The following NR3C2 variants were observed in gnomAD, a reference collection of about 807,000 sequenced individuals.
NR3C2 encodes the protein nuclear receptor subfamily 3 group C member 2.
In NR3C2, 15 loss-of-function variants were observed where a neutral mutation model predicts 86.4. That is an observed-to-expected ratio of 0.17 (90% CI 0.12 to 0.27). The LOEUF is 0.27. NR3C2 is among the 10% of genes least tolerant of loss of function. NR3C2 has a pLI of 1.00. For missense variants in NR3C2, 960 were observed against 1,195.6 expected, an observed-to-expected ratio of 0.80 and a Z score of 2.91; for synonymous variants, 458 against 450.5, an observed-to-expected ratio of 1.02 and a Z score of -0.21.
intron 2 of NR3C2, among the ~76,000 whole-genome samples, chr4:148,339,446 C>T (rs1046963932): frequency 6.6e-6 from 1 of 152,106 alleles, no homozygotes. Flanking sequence ...GAATTAAGTA[C>T]AGAAATGTCT....
At chr4:148,440,416 A>AT (rs1750278115) in intron 1 of NR3C2, among the ~76,000 whole-genome samples, 1 of 152,260 alleles carries the variant, frequency 6.6e-6, no homozygotes, top group East Asian at 1.9e-4. Flanking sequence ...CTAGTCGATG[A>AT]ATATGATCCT....
intron 8 of NR3C2, among the ~76,000 whole-genome samples, chr4:148,093,814 A>G (rs1164318313): frequency 6.6e-6 from 1 of 152,236 alleles, no homozygotes; most frequent in African/African-American, 2.4e-5. Context: ...GGCACCAAAA[A>G]CATAGGCAAT....
At chr4:148,155,216 A>G (rs1734308361) in intron 4 of NR3C2, among the ~76,000 whole-genome samples, 1 of 152,202 alleles carries the variant, frequency 6.6e-6, no homozygotes, top group Admixed American at 6.5e-5. Flanking sequence ...GTCCTCAACA[A>G]GTGTTCAGCC....
chr4:148,214,092 C>T (rs545998705), intron 3 of NR3C2, among the ~76,000 whole-genome samples: 1 of 152,340 alleles, frequency 6.6e-6, no homozygotes, highest in South Asian at 2.1e-4. Context: ...CATCTGCTCA[C>T]TAGCTATGAC....
intron 2 of NR3C2, among the ~76,000 whole-genome samples, chr4:148,284,231 T>TC (rs1741400755): frequency 6.6e-6 from 1 of 151,788 alleles, no homozygotes; most frequent in Non-Finnish European, 1.5e-5. Flanking sequence ...TATGGAATGC[T>TC]CCCCCCTCTT....
chr4:148,215,160 G>T (rs61758913), intron 3 of NR3C2, among the ~76,000 whole-genome samples: 285 of 152,306 alleles, frequency 1.9e-3, no homozygotes, highest in Middle Eastern at 6.8e-3. Context: ...TCTGTTCGGG[G>T]TATGAAAAGG....
At chr4:148,363,117 T>C (rs1745924033) in intron 2 of NR3C2, among the ~76,000 whole-genome samples, 1 of 152,090 alleles carries the variant, frequency 6.6e-6, no homozygotes, top group East Asian at 1.9e-4. Context: ...CCACCACACC[T>C]CAGAGTTCCT....
chr4:148,143,947 CAAA>C (rs67177081), intron 6 of NR3C2, among the ~76,000 whole-genome samples: 4 of 64,434 alleles, frequency 6.2e-5, no homozygotes, highest in South Asian at 9.4e-4. Context: ...AACTCTGTCT[CAAA>C]AAAAAAAAAA....
intron 8 of NR3C2, among the ~76,000 whole-genome samples, chr4:148,090,737 C>T (rs1430918700): frequency 4.6e-5 from 7 of 152,144 alleles, no homozygotes; most frequent in Non-Finnish European, 7.4e-5. Flanking sequence ...GACAGGTGTC[C>T]CAGACACTAC....
At chr4:148,441,432 C>T (rs1177339752) in intron 1 of NR3C2, among the ~76,000 whole-genome samples, 1 of 152,148 alleles carries the variant, frequency 6.6e-6, no homozygotes, top group African/African-American at 2.4e-5. Flanking sequence ...TAAAATTCGG[C>T]GGTTTCAAAA....
intron 2 of NR3C2, among the ~76,000 whole-genome samples, chr4:148,380,018 T>C (rs1400176767): frequency 1.3e-5 from 2 of 152,228 alleles, no homozygotes; most frequent in East Asian, 1.9e-4. Flanking sequence ...TTAAAAAATG[T>C]AATTAGGGTA....
intron 8 of NR3C2, among the ~76,000 whole-genome samples, chr4:148,090,401 A>G (rs1731007860): frequency 6.6e-6 from 1 of 152,226 alleles, no homozygotes; most frequent in Admixed American, 6.5e-5. Context: ...GAGGCCTGCC[A>G]GCCTACCGAC....
chr4:148,202,583 T>C (rs1736780138), intron 3 of NR3C2, among the ~76,000 whole-genome samples: 1 of 152,256 alleles, frequency 6.6e-6, no homozygotes, highest in Admixed American at 6.5e-5. Context: ...GTTGATGTTT[T>C]ATCTTCCACC....
intron 2 of NR3C2, among the ~76,000 whole-genome samples, chr4:148,269,986 G>C (rs1051690924): frequency 1.3e-5 from 2 of 151,938 alleles, no homozygotes; most frequent in Non-Finnish European, 2.9e-5. Flanking sequence ...CTTAGATGCT[G>C]ATACAGATGG....
intron 2 of NR3C2, among the ~76,000 whole-genome samples, chr4:148,363,161 C>T (rs560057156): frequency 6.6e-6 from 1 of 152,216 alleles, no homozygotes; most frequent in African/African-American, 2.4e-5. Flanking sequence ...TGACAGATGC[C>T]GAAGCCCTGA....
intron 3 of NR3C2, among the ~76,000 whole-genome samples, chr4:148,214,792 A>G (rs1737445115): frequency 6.6e-6 from 1 of 152,248 alleles, no homozygotes; most frequent in South Asian, 2.1e-4. Flanking sequence ...TCACTACTTC[A>G]GGAGAGGCTG....
chr4:148,372,675 A>G lies in NR3C2; in HGVS notation c.1757+62429T>C, dbSNP rs1002125335. On this transcript the variant is annotated intron_variant, in intron 2 of 8. Transcript: ENST00000358102. Reference sequence around the variant, plus strand: ...GAAGGCACATAAAAGGAAAAACCTGATAACTTCTTTATTCTTCAAAGACAT... The same window carrying G: ...GAAGGCACATAAAAGGAAAAACCTGGTAACTTCTTTATTCTTCAAAGACAT... 7.2e-5 allele frequency among the ~76,000 whole-genome samples: 11 copies of G among 152,362 alleles called. No individual in the cohort carries two copies. The East Asian group carries it at 2.1e-3, about 29-fold the overall frequency.
intron 3 of NR3C2, among the ~76,000 whole-genome samples, chr4:148,238,362 GCAA>G (rs780197911): frequency 5.9e-5 from 9 of 151,948 alleles, no homozygotes; most frequent in East Asian, 1.9e-4. Context: ...AGTCATGCTG[GCAA>G]CAACAACAAA....
chr4:148,262,452 G>A (rs1740168168), intron 2 of NR3C2, among the ~76,000 whole-genome samples: 1 of 151,988 alleles, frequency 6.6e-6, no homozygotes, highest in South Asian at 2.1e-4. Context: ...ATCTCCACTT[G>A]GGTGTCTAAC....
Sources: gnomAD v4.1 joint callset for allele counts (sites outside exome capture counted in the v4.1 genomes callset) on GRCh38, gnomAD v4.1.1 for gene constraint, MANE v1.5 for transcripts, NCBI Gene and HGNC (gene_info 2026-07-23, HGNC 2026-07-21) for gene names.